NR1H2: variants seen among roughly 807,000 people sequenced by gnomAD.
NR1H2 encodes nuclear receptor subfamily 1 group H member 2.
NR1H2 carries 33 observed loss-of-function variants against 51.2 expected under a neutral mutation model. The observed-to-expected ratio is 0.64, with a 90% CI of 0.49 to 0.86. The LOEUF is 0.86. Among genes scored for constraint, NR1H2 ranks in the 40% least tolerant of loss-of-function variants. NR1H2 has a pLI of 0.00. For synonymous variants in NR1H2, 310 were observed against 264.3 expected (o/e 1.17, Z -1.68); for missense variants, 592 against 639.9 (o/e 0.93, Z 0.81).
Position 50,379,151 on chromosome 19 carries a change from G to C in NR1H2, c.897G>C (p.Gln299His). 6.2e-7 allele frequency: 1 copy of C among 1,613,518 alleles called. No homozygotes were observed. Among genetic ancestry groups the C allele is most frequent in the Non-Finnish European group, 8.5e-7 (1 of 1,179,802 alleles). Residue 299 changes from glutamine to histidine, a missense_variant, in exon 7 of 10, where the codon CAG (glutamine) becomes CAC (histidine). By Grantham distance (24) the Gln-to-His change is conservative. Coordinates refer to ENST00000253727, the MANE Select transcript of NR1H2 (RefSeq NM_007121.7). ...PGFLQLGREDQIALLKASTIE... is the reference protein window; with the variant it reads ...PGFLQLGREDHIALLKASTIE... ...TCCTGCAGCTGGGCCGGGAGGACCA[G>C]ATCGCCCTCCTGAAGGCATCCACTA...
intron 8 of NR1H2, among the ~76,000 whole-genome samples, chr19:50,381,381 C>G (rs2037762767): frequency 6.6e-6 from 1 of 152,240 alleles, no homozygotes; most frequent in African/African-American, 2.4e-5. Flanking sequence ...CATGGCTCAG[C>G]AGGGCCCTTC....
Position 50,377,840 on chromosome 19 carries a change from G to A in NR1H2, c.151G>A (p.Glu51Lys). ...GGACCCTGATGTCCCAGGCACTGAT[G>A]AGGCCAGCTCAGCCTGCAGCACAGA... ...GPDPDVPGTD[E>K]ASSACSTDWV... Residue 51 changes from glutamate to lysine, a missense_variant, in exon 4 of 10, where the codon GAG becomes AAG. Coordinates refer to ENST00000253727, the MANE Select transcript of NR1H2 (RefSeq NM_007121.7). 6.2e-7 allele frequency: 1 copy of A among 1,600,204 alleles called. No individual in the cohort carries two copies.
chr19:50,379,693 A>T, intron 7 of NR1H2, 87 bp from the exon 8 acceptor site: 1 of 816,936 alleles, frequency 1.2e-6, no homozygotes, highest in South Asian at 1.4e-5. Context: ...TCCTGGTGAG[A>T]TTAGACCCCC....
intron 8 of NR1H2, among the ~76,000 whole-genome samples, chr19:50,381,274 T>A (rs1192004596): frequency 6.6e-6 from 1 of 152,208 alleles, no homozygotes; most frequent in Admixed American, 6.5e-5. Context: ...CAGCAGACGT[T>A]GGTCACCCTC....
intron 2 of NR1H2, 93 bp from the exon 3 acceptor site, chr19:50,377,493 TG>T: frequency 1.0e-6 from 1 of 972,744 alleles, no homozygotes; most frequent in Non-Finnish European, 1.6e-6. Context: ...TTTGGAGAGA[TG>T]GAAAAAAAAG....
At position 50,382,102 on chromosome 19, in the gene NR1H2, G is replaced by A. The variant is rs565686544; in HGVS notation, c.1164G>A (p.Pro388=). The change falls in exon 9 of 10, where the codon CCG becomes CCA. Residue 388 remains proline (P), a synonymous_variant. Coordinates refer to ENST00000253727, the MANE Select transcript of NR1H2 (RefSeq NM_007121.7). Reference sequence around the variant, plus strand: ...CCGACCGGCCCAACGTGCAGGAGCCGGGCCGCGTGGAGGCGTTGCAGCAGC... The same window carrying A: ...CCGACCGGCCCAACGTGCAGGAGCCAGGCCGCGTGGAGGCGTTGCAGCAGC... ...FSADRPNVQE[P]GRVEALQQPY... 219 of 1,547,286 alleles carry A rather than the reference G, an allele frequency of 1.4e-4. No homozygotes were observed. Among genetic ancestry groups the A allele is most frequent in the Middle Eastern group, 5.0e-4 (3 of 5,960 alleles).
intron 4 of NR1H2, 132 bp from the exon 5 acceptor site, chr19:50,378,017 C>T (rs578196219): frequency 8.5e-6 from 12 of 1,419,208 alleles, no homozygotes; most frequent in African/African-American, 1.4e-5. Flanking sequence ...ATTGCAATTT[C>T]CCTGAATGTG....
rs1393157024 is a variant in NR1H2, at chr19:50,378,139, C to T, written c.182-10C>T. The T allele has an allele frequency of 6.2e-7, 1 of 1,603,826 alleles. No homozygotes were observed. Among genetic ancestry groups the T allele is most frequent in the Non-Finnish European group, 8.5e-7 (1 of 1,173,616 alleles). On this transcript the variant is annotated splice_polypyrimidine_tract_variant and intron_variant, in intron 4 of 9. Transcript: ENST00000253727. ...GTGGCTTTCTCATGGCCTCTACCTA[C>T]CCACCCCAGTCATCCCAGATCCCGA...
rs1304031807 is a variant in NR1H2 at position 50,379,154 on chromosome 19, C to T, written c.900C>T (p.Ile300=). ...GFLQLGREDQ[I]ALLKASTIEI... ...TGCAGCTGGGCCGGGAGGACCAGAT[C>T]GCCCTCCTGAAGGCATCCACTATCG... is the stretch of plus-strand genomic sequence containing the variant. The change falls in exon 7 of 10, where the codon ATC becomes ATT. Residue 300 remains isoleucine, a synonymous_variant. Coordinates refer to ENST00000253727, the MANE Select transcript of NR1H2 (RefSeq NM_007121.7). 6 of 1,613,276 alleles carry T rather than the reference C, an allele frequency of 3.7e-6. No homozygotes were observed. The highest frequency in any genetic ancestry group is 1.1e-5 in the South Asian group (1 of 91,036).
intron 4 of NR1H2, 46 bp downstream of exon 4, chr19:50,377,916 TAGGA>T (rs2037695442): frequency 6.6e-7 from 1 of 1,509,654 alleles, no homozygotes; most frequent in South Asian, 1.3e-5. Flanking sequence ...GGGAGGGGTT[TAGGA>T]AGGGAGAAAG....
intron 2 of NR1H2, 44 bp from the exon 3 acceptor site, chr19:50,377,543 C>A: frequency 6.6e-7 from 1 of 1,518,196 alleles, no homozygotes; most frequent in Non-Finnish European, 9.1e-7. Context: ...CCTAACCTAA[C>A]CCTTCTTAGC....
chr19:50,380,773 A>G (rs991677863), intron 8 of NR1H2, among the ~76,000 whole-genome samples: 1 of 152,070 alleles, frequency 6.6e-6, no homozygotes, highest in African/African-American at 2.4e-5. Context: ...GCACAAGGAG[A>G]TGGGGTGGAG....
In NR1H2 at chr19:50,378,503, G is replaced by A; in HGVS notation, c.473-19G>A. The A allele has an allele frequency of 6.3e-7, 1 of 1,594,248 alleles. No individual in the cohort carries two copies. The highest frequency in any genetic ancestry group is 1.1e-5 in the South Asian group (1 of 88,498). ...CCGCCTAGCCCTGGGGTTCTGCTGAGGCCTGCATCCCCCTACAGGCGTCCT... is the reference window on the plus strand; with the variant it reads ...CCGCCTAGCCCTGGGGTTCTGCTGAAGCCTGCATCCCCCTACAGGCGTCCT... On this transcript the variant is annotated intron_variant, in intron 5 of 9. Coordinates refer to ENST00000253727, the MANE Select transcript of NR1H2 (RefSeq NM_007121.7).
intron 2 of NR1H2, chr19:50,377,379 C>T: frequency 6.0e-6 from 3 of 497,348 alleles, no homozygotes; most frequent in African/African-American, 4.0e-5. Flanking sequence ...GGGCTTAAGA[C>T]CAAGCTGAAG....
Position 50,378,752 on chromosome 19 carries a change from C to T in NR1H2, c.703C>T (p.Leu235=), listed in dbSNP as rs768512783. The T allele has an allele frequency of 6.2e-7, 1 of 1,613,910 alleles. No homozygotes were observed. Among genetic ancestry groups the T allele is most frequent in the African/African-American group, 1.3e-5 (1 of 75,068 alleles). ...LMIQQLVAAQ[L]QCNKRSFSDQ... is the part of the protein sequence containing the mutation. Reference sequence around the variant, plus strand: ...GATCCAGCAGTTGGTGGCGGCCCAACTGCAGTGCAACAAACGCTCCTTCTC... The same window carrying T: ...GATCCAGCAGTTGGTGGCGGCCCAATTGCAGTGCAACAAACGCTCCTTCTC... The change falls in exon 6 of 10, where the codon CTG becomes TTG. Residue 235 remains leucine, a synonymous_variant. Coordinates refer to ENST00000253727, the MANE Select transcript of NR1H2 (RefSeq NM_007121.7).
intron 5 of NR1H2, 27 bp downstream of exon 5, chr19:50,378,466 C>T (rs761919617): frequency 2.0e-5 from 32 of 1,575,062 alleles, no homozygotes; most frequent in African/African-American, 1.1e-4. Context: ...GGGGCGGTGC[C>T]GGCCTGGCCC....
chr19:50,379,250 G>T, intron 7 of NR1H2, 69 bp downstream of exon 7: 1 of 1,483,328 alleles, frequency 6.7e-7, no homozygotes. Context: ...GCAGAGTTAA[G>T]GAAGACCAGT....
chr19:50,378,836 T>G lies in NR1H2; in HGVS notation c.747+40T>G, dbSNP rs769806864. The G allele has an allele frequency of 1.4e-5, 22 of 1,597,072 alleles. No individual in the cohort carries two copies. The South Asian group carries it at 1.6e-4, about 11-fold the overall frequency. On this transcript the variant is annotated intron_variant, in intron 6 of 9. Coordinates refer to ENST00000253727, the MANE Select transcript of NR1H2 (RefSeq NM_007121.7). ...ACAACCTTGAGTGTGACGGTCCCAATGGGGTAGAGCCAGCTGGGCCATCAC... is the reference window on the plus strand; with the variant it reads ...ACAACCTTGAGTGTGACGGTCCCAAGGGGGTAGAGCCAGCTGGGCCATCAC...
rs1397096933 is a variant in NR1H2, at chr19:50,382,107, GCGTGGAGGCGTTGCAGCAGCCCTA to G, written c.1180_1203del (p.Gln395_Leu402del). The G allele has an allele frequency of 8.4e-6, 13 of 1,546,436 alleles. No homozygotes were observed. The highest frequency in any genetic ancestry group is 2.4e-5 in the South Asian group (2 of 84,094). On this transcript the variant is annotated inframe_deletion, in exon 9 of 10. Transcript: ENST00000253727. ...CGGCCCAACGTGCAGGAGCCGGGCCGCGTGGAGGCGTTGCAGCAGCCCTACGTGGAGGCGCTGCTGTCCTACACG... is the reference window on the plus strand; with the variant it reads ...CGGCCCAACGTGCAGGAGCCGGGCCGCGTGGAGGCGCTGCTGTCCTACACG...
Sources: gnomAD v4.1 joint callset for allele counts (sites outside exome capture counted in the v4.1 genomes callset) on GRCh38, gnomAD v4.1.1 for gene constraint, MANE v1.5 for transcripts, NCBI Gene and HGNC (gene_info 2026-07-23, HGNC 2026-07-21) for gene names.